The following CCDC7 variants were observed in gnomAD, a reference collection of about 807,000 sequenced individuals.
CCDC7 encodes coiled-coil domain-containing protein 7.
CCDC7 carries 183 observed loss-of-function variants against 196.9 expected under a neutral mutation model. That is an observed-to-expected ratio of 0.93 (90% confidence interval 0.82 to 1.05). The LOEUF (loss-of-function observed/expected upper bound fraction) is 1.05, where lower values mean the gene tolerates loss of function less well. Among genes scored for constraint, CCDC7 ranks in the 50% least tolerant of loss-of-function variants. The pLI is 0.00. For missense variants in CCDC7, 1,540 were observed against 1,482.2 expected (o/e 1.04, Z -0.64); for synonymous variants, 525 against 484.6 (o/e 1.08, Z -1.10).
chr10:32,577,972 T>C (rs542491416), intron 16 of CCDC7, among the ~76,000 whole-genome samples: 110 of 152,302 alleles, frequency 7.2e-4, no homozygotes, highest in African/African-American at 2.5e-3. Flanking sequence ...TCCAAAGATG[T>C]AGGAAATGAC....
chr10:32,528,842 G>A (rs2049171753), intron 11 of CCDC7, among the ~76,000 whole-genome samples: 1 of 149,998 alleles, frequency 6.7e-6, no homozygotes, highest in South Asian at 2.1e-4. Context: ...CGATTGATGG[G>A]CATTTGGGCT....
chr10:32,701,443 A>G (rs1417228567), intron 24 of CCDC7, among the ~76,000 whole-genome samples: 1 of 152,130 alleles, frequency 6.6e-6, no homozygotes, highest in African/African-American at 2.4e-5. Flanking sequence ...GGATTTTTAC[A>G]TCCATGTTCA....
At chr10:32,469,922 A>G (rs1472224151) in intron 5 of CCDC7, among the ~76,000 whole-genome samples, 1 of 152,170 alleles carries the variant, frequency 6.6e-6, no homozygotes, top group Admixed American at 6.5e-5. Flanking sequence ...AGACAAGACA[A>G]TGAAGAATAG....
chr10:32,602,536 T>A (rs1251726852), intron 18 of CCDC7, among the ~76,000 whole-genome samples: 4 of 152,228 alleles, frequency 2.6e-5, no homozygotes, highest in African/African-American at 9.6e-5. Context: ...CTATGCCTAT[T>A]AATATTTAAT....
chr10:32,465,273 G>A (rs1228006092), intron 5 of CCDC7, among the ~76,000 whole-genome samples: 2 of 152,256 alleles, frequency 1.3e-5, no homozygotes, highest in South Asian at 2.1e-4. Flanking sequence ...CATGGAGCAT[G>A]TGTCACCCAT....
chr10:32,852,071 A>G, intron 40 of CCDC7, 139 bp downstream of exon 41: 2 of 810,102 alleles, frequency 2.5e-6, no homozygotes, highest in East Asian at 2.9e-5. Context: ...AGTTAAGTGC[A>G]CCTAACATTT....
intron 28 of CCDC7, among the ~76,000 whole-genome samples, chr10:32,760,471 C>A (rs2077268209): frequency 6.6e-6 from 1 of 152,044 alleles, no homozygotes; most frequent in African/African-American, 2.4e-5. Context: ...TGGAAACCAT[C>A]ATTCTCAGCA....
chr10:32,574,629 T>TA, intron 16 of CCDC7: 4 of 506,154 alleles, frequency 7.9e-6, no homozygotes, highest in Non-Finnish European at 1.2e-5. Flanking sequence ...AACAATAGAT[T>TA]TTAATAATTT....
intron 18 of CCDC7, among the ~76,000 whole-genome samples, chr10:32,603,217 A>G (rs1403556053): frequency 6.6e-6 from 1 of 150,806 alleles, no homozygotes; most frequent in Non-Finnish European, 1.5e-5. Context: ...TCATCTTTCT[A>G]TGCCTGGCTT....
At chr10:32,760,151 T>C (rs1776515958) in intron 28 of CCDC7, among the ~76,000 whole-genome samples, 1 of 151,870 alleles carries the variant, frequency 6.6e-6, no homozygotes, top group South Asian at 2.1e-4. Flanking sequence ...TTGGTGGGAC[T>C]GTAAACTAGT....
chr10:32,754,364 C>A (rs572228326), intron 28 of CCDC7, among the ~76,000 whole-genome samples: 1 of 152,076 alleles, frequency 6.6e-6, no homozygotes, highest in Non-Finnish European at 1.5e-5. Flanking sequence ...ATGATGGAAA[C>A]AATGAACTTT....
intron 32 of CCDC7, among the ~76,000 whole-genome samples, chr10:32,826,869 T>C (rs1235616781): frequency 1.3e-5 from 2 of 152,136 alleles, no homozygotes; most frequent in Admixed American, 6.5e-5. Context: ...GAAGGAGAAA[T>C]GGCCAGATGT....
rs546742957 is a variant in CCDC7, at chr10:32,705,475, A to C, written c.2459-6145A>C. On this transcript the variant is annotated intron_variant, in intron 24 of 41. Transcript: ENST00000639629. ...TCAAATTCACACATAACAATATTAA[A>C]CTTAAATGTAAATGGGCTAAATGCC... is the stretch of plus-strand genomic sequence containing the variant. Among the ~76,000 whole-genome samples the C allele has an allele frequency of 3.7e-4, 57 of 152,122 alleles. No homozygotes were observed. The South Asian group carries it at 0.011, about 29-fold the overall frequency.
At chr10:32,685,981 G>A in exon 22 of CCDC7, 1 of 1,561,918 alleles carries the variant, frequency 6.4e-7, no homozygotes, top group Non-Finnish European at 8.7e-7. Flanking sequence ...TCATAATGAA[G>A]TACCAAATGA....
At chr10:32,702,579 G>A (rs11527647) in intron 24 of CCDC7, among the ~76,000 whole-genome samples, 1 of 151,984 alleles carries the variant, frequency 6.6e-6, no homozygotes, top group East Asian at 1.9e-4. Flanking sequence ...TATCCTTGTT[G>A]ACTCTCTGTC....
At chr10:32,872,009 C>A (rs1269648030) in intron 41 of CCDC7, among the ~76,000 whole-genome samples, 3 of 152,104 alleles carry the variant, frequency 2.0e-5, no homozygotes, top group East Asian at 3.8e-4. Flanking sequence ...CTGAGGAGTG[C>A]TTTACTTCCA....
At chr10:32,667,053 T>G (rs1031177924) in intron 21 of CCDC7, among the ~76,000 whole-genome samples, 1 of 152,204 alleles carries the variant, frequency 6.6e-6, no homozygotes, top group African/African-American at 2.4e-5. Context: ...TCCTGACTTT[T>G]TAATGATCAC....
intron 18 of CCDC7, among the ~76,000 whole-genome samples, chr10:32,615,946 A>C (rs2062721622): frequency 6.6e-6 from 1 of 151,958 alleles, no homozygotes; most frequent in South Asian, 2.1e-4. Context: ...CCTCAGTGTA[A>C]ATTTTTGTTG....
chr10:32,669,659 G>A (rs1224696936), intron 21 of CCDC7, among the ~76,000 whole-genome samples: 1 of 151,980 alleles, frequency 6.6e-6, no homozygotes, highest in Non-Finnish European at 1.5e-5. Context: ...TATTGAAATT[G>A]GTGCCATATA....
Sources: gnomAD v4.1 joint callset for allele counts (sites outside exome capture counted in the v4.1 genomes callset) on GRCh38, gnomAD v4.1.1 for gene constraint, MANE v1.5 for transcripts, NCBI Gene and HGNC (gene_info 2026-07-23, HGNC 2026-07-21) for gene names.